GPRIN3: variants seen among roughly 807,000 people sequenced by gnomAD.
The protein encoded by GPRIN3 is G protein-regulated inducer of neurite outgrowth 3.
A neutral mutation model predicts 13.7 loss-of-function variants in GPRIN3; 12 were observed. That is an observed-to-expected ratio of 0.87 (90% CI 0.56 to 1.42). The LOEUF (loss-of-function observed/expected upper bound fraction) is 1.42. Among genes scored for constraint, GPRIN3 ranks in the 40% most tolerant of loss-of-function variants. The probability of loss-of-function intolerance (pLI) is 0.00; values close to 1 mark genes in which losing one functional copy is unlikely to be tolerated. For synonymous variants in GPRIN3, 377 were observed against 372.7 expected, an observed-to-expected ratio of 1.01 and a Z score of -0.13; for missense variants, 1,009 against 958.7, an observed-to-expected ratio of 1.05 and a Z score of -0.69.
Position 89,247,799 on chromosome 4 carries a change from G to A in GPRIN3, c.2312C>T (p.Pro771Leu), listed in dbSNP as rs201061407. Residue 771 changes from proline to leucine, a missense_variant, in exon 2 of 2, where the codon CCG (proline) becomes CTG (leucine). Physicochemically the swap from Pro to Leu is moderately conservative, Grantham distance 98. Coordinates refer to ENST00000609438, the MANE Select transcript of GPRIN3 (RefSeq NM_198281.3). ...TCCCTTTCAATCTAACACAGAAGAC[G>A]GGGCAGGACGGACGCAGCAGTTGGG... ...RRPNCCVRPA[P>L]SSVLD 15 of 1,610,244 alleles carry A rather than the reference G, an allele frequency of 9.3e-6. No homozygotes were observed. In the Admixed American group the frequency reaches 1.0e-4, roughly 11 times the overall value.
intron 1 of GPRIN3, among the ~76,000 whole-genome samples, chr4:89,265,732 CCCTT>C (rs1218870560): frequency 6.6e-6 from 1 of 152,094 alleles, no homozygotes; most frequent in African/African-American, 2.4e-5. Context: ...CTTCCTTCCA[CCCTT>C]CCTTCCTTCC....
chr4:89,289,155 G>T (rs1431941855), intron 1 of GPRIN3, among the ~76,000 whole-genome samples: 1 of 148,670 alleles, frequency 6.7e-6, no homozygotes, highest in African/African-American at 2.5e-5. Context: ...TGATCTTAGG[G>T]TATCTAATGG....
chr4:89,297,338 G>A (rs1371332010), intron 1 of GPRIN3, among the ~76,000 whole-genome samples: 1 of 152,076 alleles, frequency 6.6e-6, no homozygotes, highest in Non-Finnish European at 1.5e-5. Flanking sequence ...ATGTATTAGG[G>A]TTCTCTTATG....
chr4:89,300,688 A>G (rs748241751), intron 1 of GPRIN3, among the ~76,000 whole-genome samples: 21 of 152,128 alleles, frequency 1.4e-4, no homozygotes, highest in Non-Finnish European at 2.2e-4. Context: ...GGAGACTGTA[A>G]GTGCATTTTC....
rs1451909882 is a variant in GPRIN3, at chr4:89,243,405, C to CAG, written c.*4374_*4375insCT. The CAG allele has an allele frequency of 6.6e-6, 1 of 152,112 alleles. No individual in the cohort carries two copies. The highest frequency in any genetic ancestry group is 1.5e-5 in the Non-Finnish European group (1 of 68,010). 9.4% of individuals were successfully genotyped at this position (152,112 alleles called of 1,614,324 possible). A position where few individuals can be genotyped will look rare whatever the true frequency, so the allele number is the denominator to read the frequency against. ...GATTCAGCATATCCTCTGTTATTTG[C>CAG]CAGGTGGCAGCAGCTGACCCGAATT... On this transcript the variant is annotated 3_prime_UTR_variant, in exon 2 of 2. Coordinates refer to ENST00000609438, the MANE Select transcript of GPRIN3 (RefSeq NM_198281.3).
intron 1 of GPRIN3, among the ~76,000 whole-genome samples, chr4:89,300,365 G>C (rs1384314156): frequency 6.6e-6 from 1 of 152,012 alleles, no homozygotes; most frequent in Non-Finnish European, 1.5e-5. Flanking sequence ...TGAGAAGTGG[G>C]GACTACAGCG....
chr4:89,266,941 A>G (rs1400456853), intron 1 of GPRIN3, among the ~76,000 whole-genome samples: 1 of 152,234 alleles, frequency 6.6e-6, no homozygotes, highest in Non-Finnish European at 1.5e-5. Flanking sequence ...ATTAATTGTG[A>G]TGCTATAGGC....
intron 1 of GPRIN3, among the ~76,000 whole-genome samples, chr4:89,298,522 G>A (rs1457326498): frequency 2.0e-5 from 3 of 152,022 alleles, no homozygotes; most frequent in Non-Finnish European, 4.4e-5. Flanking sequence ...ATCATGACCA[G>A]GAAAAGAGCC....
chr4:89,249,015 C>A lies in GPRIN3; in HGVS notation c.1096G>T (p.Gly366Trp). The change falls in exon 2 of 2, where the codon GGG becomes TGG. Residue 366 changes from glycine (G) to tryptophan (W), a missense_variant. Transcript: ENST00000609438. ...TCAGAGAGCTCCAGTGTGTGGCTCC[C>A]ACTGCTGTGGCAAATGACACGCAGC... is the stretch of plus-strand genomic sequence containing the variant. ...EQLRVICHSS[G>W]SHTLELSDST... 1 of 1,614,180 alleles carries A rather than the reference C, an allele frequency of 6.2e-7. No homozygotes were observed. Among genetic ancestry groups the A allele is most frequent in the South Asian group, 1.1e-5 (1 of 91,082 alleles).
chr4:89,241,390 A>G lies in GPRIN3; in HGVS notation c.*6390T>C, dbSNP rs184263171. The G allele has an allele frequency of 6.6e-6, 1 of 152,338 alleles. No individual in the cohort carries two copies. The highest frequency in any genetic ancestry group is 6.5e-5 in the Admixed American group (1 of 15,304). 9.4% of individuals were successfully genotyped at this position (152,338 alleles called of 1,614,324 possible). A position where few individuals can be genotyped will look rare whatever the true frequency, so the allele number is the denominator to read the frequency against. ...TTATTTTTTTTACACATAAAAATAGAAAACTGATCACTCAGACTGTACACA... is the reference window on the plus strand; with the variant it reads ...TTATTTTTTTTACACATAAAAATAGGAAACTGATCACTCAGACTGTACACA... On this transcript the variant is annotated 3_prime_UTR_variant, in exon 2 of 2. Transcript: ENST00000609438.
In GPRIN3 at chr4:89,241,605, G is replaced by T. The variant is rs1357014203; in HGVS notation, c.*6175C>A. 2 of 152,190 alleles carry T rather than the reference G, an allele frequency of 1.3e-5. No homozygotes were observed. The highest frequency in any genetic ancestry group is 3.9e-4 in the East Asian group (2 of 5,184). The allele number at this position is 152,190 out of a possible 1,614,324, so 9.4% of individuals were successfully genotyped here. On this transcript the variant is annotated 3_prime_UTR_variant, in exon 2 of 2. Coordinates refer to ENST00000609438, the MANE Select transcript of GPRIN3 (RefSeq NM_198281.3). ...GTATCTCCAGGGGCCCTTAAAACAAGAATTAGTCTTTCCTCTCCTCTAGGG... is the reference window on the plus strand; with the variant it reads ...GTATCTCCAGGGGCCCTTAAAACAATAATTAGTCTTTCCTCTCCTCTAGGG...
At chr4:89,270,573 A>ATATATATATTTATATATGTATATAATT (rs1561205455) in intron 1 of GPRIN3, among the ~76,000 whole-genome samples, 22 of 95,540 alleles carry the variant, frequency 2.3e-4, no homozygotes, top group African/African-American at 1.4e-3. Flanking sequence ...ATTTATATAT[A>ATATATATATTTATATATGTATATAATT]TATATATATA....
chr4:89,286,516 A>G (rs746900105), intron 1 of GPRIN3, among the ~76,000 whole-genome samples: 13 of 152,106 alleles, frequency 8.5e-5, no homozygotes, highest in Admixed American at 2.6e-4. Context: ...CATATTCAGA[A>G]AGCTTACTTT....
At position 89,241,938 on chromosome 4, in the gene GPRIN3, T is replaced by C. The variant is rs1429228015; in HGVS notation, c.*5842A>G. The C allele has an allele frequency of 2.6e-5, 4 of 152,134 alleles. No individual in the cohort carries two copies. Among genetic ancestry groups the C allele is most frequent in the African/African-American group, 7.2e-5 (3 of 41,442 alleles). 9.4% of individuals were successfully genotyped at this position (152,134 alleles called of 1,614,324 possible). ...CAATTTTTAAAGCAACAAAGAACAA[T>C]ACTAGCAGCAATGTCAAAAAGCAAG... On this transcript the variant is annotated 3_prime_UTR_variant, in exon 2 of 2. Coordinates refer to ENST00000609438, the MANE Select transcript of GPRIN3 (RefSeq NM_198281.3).
At chr4:89,270,582 T>TA (rs60850193) in intron 1 of GPRIN3, among the ~76,000 whole-genome samples, 1 of 125,226 alleles carries the variant, frequency 8.0e-6, no homozygotes, top group African/African-American at 3.3e-5. Flanking sequence ...TATATATATA[T>TA]ATATATATAT....
intron 1 of GPRIN3, among the ~76,000 whole-genome samples, chr4:89,265,021 T>C (rs1304580048): frequency 6.6e-6 from 1 of 152,178 alleles, no homozygotes. Flanking sequence ...ATACTGCCTT[T>C]TGTGTTTTGG....
At chr4:89,270,672 G>C (rs1723925309) in intron 1 of GPRIN3, among the ~76,000 whole-genome samples, 2 of 147,446 alleles carry the variant, frequency 1.4e-5, no homozygotes, top group Admixed American at 6.9e-5. Context: ...CCCAGTAGCT[G>C]GTACTTCAGG....
At position 89,248,396 on chromosome 4, in the gene GPRIN3, C is replaced by A. The variant is rs1342139305; in HGVS notation, c.1715G>T (p.Gly572Val). ...LLLNPKSQES[G>V]GTESAANPTP... is the part of the protein sequence containing the mutation. ...AGGATTAGCAGCTGATTCTGTGCCT[C>A]CACTTTCTTGGGATTTAGGATTGAG... is the stretch of plus-strand genomic sequence containing the variant. Residue 572 changes from glycine to valine, a missense_variant, in exon 2 of 2, where the codon GGA (glycine) becomes GTA (valine). Transcript: ENST00000609438. 1 of 1,614,128 alleles carries A rather than the reference C, an allele frequency of 6.2e-7. No homozygotes were observed. Among genetic ancestry groups the A allele is most frequent in the Admixed American group, 1.7e-5 (1 of 60,018 alleles).
Position 89,249,826 on chromosome 4 carries a change from G to C in GPRIN3, c.285C>G (p.Asn95Lys). The C allele has an allele frequency of 6.2e-7, 1 of 1,614,222 alleles. No homozygotes were observed. Among genetic ancestry groups the C allele is most frequent in the South Asian group, 1.1e-5 (1 of 91,084 alleles). ...NEVQKAPATF[N>K]SPGNPQLPGS... ...CTGGCAGCTGGGGATTGCCGGGAGA[G>C]TTGAATGTGGCAGGTGCTTTCTGCA... The change falls in exon 2 of 2, where the codon AAC becomes AAG. Residue 95 changes from asparagine to lysine, a missense_variant. By Grantham distance (94) the Asn-to-Lys change is moderately conservative (BLOSUM62 0). Coordinates refer to ENST00000609438, the MANE Select transcript of GPRIN3 (RefSeq NM_198281.3).
Sources: gnomAD v4.1 joint callset for allele counts (sites outside exome capture counted in the v4.1 genomes callset) on GRCh38, gnomAD v4.1.1 for gene constraint, MANE v1.5 for transcripts, NCBI Gene and HGNC (gene_info 2026-07-23, HGNC 2026-07-21) for gene names.